Variants in PTPRT observed in about 807,000 individuals in gnomAD.
PTPRT encodes receptor-type tyrosine-protein phosphatase T.
A neutral mutation model predicts 176.8 loss-of-function variants in PTPRT; 56 were observed. The observed-to-expected ratio is 0.32, with a 90% confidence interval of 0.26 to 0.40. The LOEUF (loss-of-function observed/expected upper bound fraction) is 0.40. Ranked by LOEUF, PTPRT falls within the 10% of genes least tolerant of loss-of-function variation. The pLI is 1.00. For synonymous variants in PTPRT, 783 were observed against 739.0 expected (o/e 1.06, Z -0.96); for missense variants, 1,540 against 1,908.2 (o/e 0.81, Z 3.60).
chr20:42,737,897 A>G (rs2076561733), intron 6 of PTPRT, among the ~76,000 whole-genome samples: 1 of 152,214 alleles, frequency 6.6e-6, no homozygotes, highest in Admixed American at 6.5e-5. Context: ...AATTGCATTC[A>G]GATATACTTA....
chr20:42,428,386 G>T (rs566782609), intron 9 of PTPRT, among the ~76,000 whole-genome samples: 1 of 152,162 alleles, frequency 6.6e-6, no homozygotes, highest in South Asian at 2.1e-4. Context: ...TTCATGAACT[G>T]CCATGGTTCT....
intron 1 of PTPRT, among the ~76,000 whole-genome samples, chr20:43,148,512 A>G (rs2014241985): frequency 6.6e-6 from 1 of 152,168 alleles, no homozygotes; most frequent in African/African-American, 2.4e-5. Flanking sequence ...TGCACACAGC[A>G]TGTGCTCTGT....
chr20:42,444,834 T>C (rs1274573277), intron 9 of PTPRT, among the ~76,000 whole-genome samples: 4 of 152,204 alleles, frequency 2.6e-5, no homozygotes, highest in African/African-American at 9.7e-5. Flanking sequence ...AATTTGTAAA[T>C]TGCCTCATAA....
intron 6 of PTPRT, chr20:42,688,615 T>C (rs1354674445): frequency 6.6e-6 from 1 of 152,178 alleles, no homozygotes; most frequent in African/African-American, 2.4e-5. Context: ...TCAATAGGTA[T>C]TATAATTATC....
At chr20:42,601,645 T>TC (rs2073783456) in intron 7 of PTPRT, among the ~76,000 whole-genome samples, 1 of 152,166 alleles carries the variant, frequency 6.6e-6, no homozygotes, top group African/African-American at 2.4e-5. Context: ...AAGAAAAGGA[T>TC]CCTTTTGTTT....
At chr20:42,948,242 T>A (rs954330492) in intron 1 of PTPRT, among the ~76,000 whole-genome samples, 1 of 152,154 alleles carries the variant, frequency 6.6e-6, no homozygotes, top group Admixed American at 6.5e-5. Context: ...ACAACAGCCT[T>A]TTCCCAGACT....
chr20:42,941,716 C>T (rs1253327309), intron 1 of PTPRT, among the ~76,000 whole-genome samples: 1 of 152,168 alleles, frequency 6.6e-6, no homozygotes, highest in Non-Finnish European at 1.5e-5. Flanking sequence ...AGAGATGGGA[C>T]TTCAACTTCA....
chr20:42,793,834 C>T (rs2145560637), intron 2 of PTPRT, among the ~76,000 whole-genome samples: 1 of 152,266 alleles, frequency 6.6e-6, no homozygotes, highest in South Asian at 2.1e-4. Context: ...TAGCAACTCA[C>T]AAGCCCCACA....
At chr20:42,042,455 T>C in the PTPRT span, among the ~76,000 whole-genome samples, 1 of 152,198 alleles carries the variant, frequency 6.6e-6, no homozygotes, top group Non-Finnish European at 1.5e-5. Flanking sequence ...TTAAAAATAA[T>C]TCAGAATAAT....
chr20:42,949,844 T>C (rs1012703870), intron 1 of PTPRT, among the ~76,000 whole-genome samples: 8 of 152,310 alleles, frequency 5.3e-5, no homozygotes, highest in South Asian at 2.1e-4. Flanking sequence ...AAAATCTCTA[T>C]TGTAGAACTG....
intron 1 of PTPRT, among the ~76,000 whole-genome samples, chr20:43,116,681 A>T (rs2013071507): frequency 6.6e-6 from 1 of 152,076 alleles, no homozygotes; most frequent in Admixed American, 6.5e-5. Flanking sequence ...CACTATCACC[A>T]CTGCTTTCCC....
intron 15 of PTPRT, among the ~76,000 whole-genome samples, chr20:42,221,529 C>T (rs2055885560): frequency 7.9e-6 from 1 of 127,042 alleles, no homozygotes; most frequent in Non-Finnish European, 1.7e-5. Flanking sequence ...GGGAAACTGC[C>T]ACTTTTTTTT....
chr20:42,781,712 T>A (rs938307868), intron 3 of PTPRT, among the ~76,000 whole-genome samples: 1 of 152,216 alleles, frequency 6.6e-6, no homozygotes, highest in African/African-American at 2.4e-5. Flanking sequence ...TTCCTGACTT[T>A]CCACTGCAAA....
Position 43,153,774 on chromosome 20 carries a change from T to C in PTPRT, c.88+35872A>G, listed in dbSNP as rs1329949266. On this transcript the variant is annotated intron_variant, in intron 1 of 30. Coordinates refer to ENST00000373187, the MANE Select transcript of PTPRT (RefSeq NM_007050.6). The stretch of plus-strand genomic sequence containing the variant: ...TAAAAAGATTAGCGCAATCGGTCAA[T>C]GTAACTGCAGTGGGATTGAATTTCC... Among the ~76,000 whole-genome samples, 5 of 152,178 alleles carry C rather than the reference T, an allele frequency of 3.3e-5. No individual in the cohort carries two copies. The South Asian group carries it at 8.3e-4, about 25-fold the overall frequency.
At chr20:42,791,551 G>GGTGGCCAGAGGA in intron 2 of PTPRT, 85 bp from the exon 3 acceptor site, 2 of 1,409,376 alleles carry the variant, frequency 1.4e-6, no homozygotes, top group East Asian at 5.0e-5. Context: ...CCATAAACAT[G>GGTGGCCAGAGGA]GTGGCCAGAG....
chr20:42,205,095 G>A (rs186970614), intron 15 of PTPRT, among the ~76,000 whole-genome samples: 1 of 149,454 alleles, frequency 6.7e-6, no homozygotes, highest in Non-Finnish European at 1.5e-5. Flanking sequence ...GGGAGGGATA[G>A]CATTAGGAGA....
rs1242709649 is a variant in PTPRT, at chr20:42,080,906, C to T, written c.4299G>A (p.Val1433=). ...AAAAGGAGCTTAAATATTCCAGTGC[C>T]ACCTCGTATACAAATTTATACTGTT... is the stretch of plus-strand genomic sequence containing the variant. ...TLEQYKFVYE[V]ALEYLSSF The change falls in exon 31 of 31, where the codon GTG becomes GTA. Residue 1433 remains valine, a synonymous_variant. Coordinates refer to ENST00000373187, the MANE Select transcript of PTPRT (RefSeq NM_007050.6). 8 of 1,610,364 alleles carry T rather than the reference C, an allele frequency of 5.0e-6. No individual in the cohort carries two copies. The highest frequency in any genetic ancestry group is 6.8e-6 in the Non-Finnish European group (8 of 1,177,254).
intron 1 of PTPRT, among the ~76,000 whole-genome samples, chr20:43,088,335 T>C (rs112748957): frequency 0.042 from 556 of 13,302 alleles, 3 homozygotes; most frequent in African/African-American, 0.15. Context: ...TGCTTTGGGG[T>C]GTGTGTGTGT....
At chr20:42,641,854 A>C (rs1184947843) in intron 7 of PTPRT, among the ~76,000 whole-genome samples, 1 of 152,120 alleles carries the variant, frequency 6.6e-6, no homozygotes, top group Non-Finnish European at 1.5e-5. Context: ...TTGGAGCCTG[A>C]AGTCCCAGTT....
Sources: allele counts gnomAD v4.1 joint callset (sites outside exome capture counted in the v4.1 genomes callset), GRCh38; gene constraint gnomAD v4.1.1; transcripts MANE v1.5; gene names NCBI Gene and HGNC (gene_info 2026-07-23, HGNC 2026-07-21).